NRXN1: variants seen among roughly 807,000 people sequenced by gnomAD.
The protein encoded by NRXN1 is neurexin 1.
Under a neutral mutation model 150.9 loss-of-function variants are expected in NRXN1, and 39 were observed. The ratio of observed to expected loss-of-function variants is 0.26; its 90% CI spans 0.20 to 0.34. The LOEUF is 0.34. Among genes scored for constraint, NRXN1 ranks in the 10% least tolerant of loss-of-function variants. The probability of loss-of-function intolerance (pLI) is 1.00; values close to 1 mark genes in which losing one functional copy is unlikely to be tolerated. For missense variants in NRXN1, 1,815 were observed against 1,949.9 expected (o/e 0.93, Z 1.30); for synonymous variants, 924 against 757.0 (o/e 1.22, Z -3.62).
intron 5 of NRXN1, among the ~76,000 whole-genome samples, chr2:50,805,813 T>G (rs1238163931): frequency 2.0e-5 from 3 of 152,296 alleles, no homozygotes; most frequent in African/African-American, 7.2e-5. Flanking sequence ...TTTGGTGCAT[T>G]ATAATCCCCT....
At chr2:50,785,293 C>T (rs184333840) in intron 5 of NRXN1, among the ~76,000 whole-genome samples, 5 of 149,596 alleles carry the variant, frequency 3.3e-5, no homozygotes, top group African/African-American at 7.4e-5. Context: ...CTGTCGCCCC[C>T]GCTGGAGTGC....
intron 15 of NRXN1, among the ~76,000 whole-genome samples, chr2:50,484,519 T>G (rs1010050430): frequency 6.6e-6 from 1 of 152,190 alleles, no homozygotes; most frequent in Non-Finnish European, 1.5e-5. Flanking sequence ...GAGAGCTGAA[T>G]GAGCCTGCAA....
chr2:50,934,270 T>C (rs946073427), intron 2 of NRXN1, among the ~76,000 whole-genome samples: 3 of 152,150 alleles, frequency 2.0e-5, no homozygotes, highest in African/African-American at 7.2e-5. Context: ...AAAACATTTA[T>C]AATAAATAAT....
intron 18 of NRXN1, among the ~76,000 whole-genome samples, chr2:50,159,624 A>G (rs905987351): frequency 6.6e-6 from 1 of 152,190 alleles, no homozygotes; most frequent in African/African-American, 2.4e-5. Flanking sequence ...TTCTTATAAT[A>G]AGCATTGCCA....
Position 50,010,200 on chromosome 2 carries a change from GA to G in NRXN1, c.4128+43070del, listed in dbSNP as rs575511985. Among the ~76,000 whole-genome samples, 136 of 151,888 alleles carry G rather than the reference GA, an allele frequency of 9.0e-4. 1 individual carries two copies. The highest frequency in any genetic ancestry group is 1.7e-3 in the Non-Finnish European group (117 of 67,924). On this transcript the variant is annotated intron_variant, in intron 21 of 22. Coordinates refer to ENST00000401669, the MANE Select transcript of NRXN1 (RefSeq NM_001330078.2). ...AGGAGAACACCAAATATTATTTCAT[GA>G]AACAGACTCAATAAGAAGTCAAGCA...
At chr2:50,682,276 G>T (rs1298092239) in intron 5 of NRXN1, among the ~76,000 whole-genome samples, 5 of 152,156 alleles carry the variant, frequency 3.3e-5, no homozygotes, top group African/African-American at 9.6e-5. Context: ...TACTTAAAAA[G>T]AATCATATTT....
intron 5 of NRXN1, among the ~76,000 whole-genome samples, chr2:50,808,485 G>T (rs1351950104): frequency 6.6e-6 from 1 of 151,700 alleles, no homozygotes; most frequent in Non-Finnish European, 1.5e-5. Context: ...CAAAAAAAAA[G>T]AGAAACTAAC....
chr2:50,481,394 A>G (rs1303869884), intron 15 of NRXN1, among the ~76,000 whole-genome samples: 1 of 152,358 alleles, frequency 6.6e-6, no homozygotes, highest in African/African-American at 2.4e-5. Flanking sequence ...GGCAAAGTCA[A>G]TTTTCTTCCA....
chr2:50,076,184 C>A (rs962333507), intron 19 of NRXN1, among the ~76,000 whole-genome samples: 15 of 152,144 alleles, frequency 9.9e-5, no homozygotes, highest in African/African-American at 3.4e-4. Flanking sequence ...AGCGGTACTG[C>A]ACTTAATGTC....
chr2:50,517,125 A>G (rs987436533), intron 12 of NRXN1, among the ~76,000 whole-genome samples: 1 of 152,162 alleles, frequency 6.6e-6, no homozygotes, highest in Non-Finnish European at 1.5e-5. Context: ...AGCTAATACT[A>G]GAAACAATGT....
intron 5 of NRXN1, among the ~76,000 whole-genome samples, chr2:50,868,425 G>A (rs556982632): frequency 6.6e-6 from 1 of 150,914 alleles, no homozygotes; most frequent in South Asian, 2.1e-4. Context: ...GGGAGGGGGT[G>A]AACAATGAGA....
At chr2:50,966,816 G>C (rs1305711147) in intron 2 of NRXN1, among the ~76,000 whole-genome samples, 1 of 151,812 alleles carries the variant, frequency 6.6e-6, no homozygotes, top group Non-Finnish European at 1.5e-5. Context: ...TGCTATAACA[G>C]CTATCTGCAT....
At chr2:50,961,428 T>C (rs10490165) in intron 2 of NRXN1, among the ~76,000 whole-genome samples, 123,733 of 151,600 alleles carry the variant, frequency 0.82, 50,866 homozygotes, top group East Asian at 0.99. Flanking sequence ...CCATCATTTG[T>C]TTTAAATAAT....
At chr2:50,765,987 A>G (rs1702337937) in intron 5 of NRXN1, among the ~76,000 whole-genome samples, 1 of 152,044 alleles carries the variant, frequency 6.6e-6, no homozygotes, top group Non-Finnish European at 1.5e-5. Flanking sequence ...GCAAATTTTG[A>G]AAGTCCTGGC....
At chr2:50,270,077 T>C (rs1333939079) in intron 17 of NRXN1, among the ~76,000 whole-genome samples, 2 of 152,262 alleles carry the variant, frequency 1.3e-5, no homozygotes, top group African/African-American at 2.4e-5. Flanking sequence ...ACTTCCCCCA[T>C]TATGTGTTGA....
chr2:50,934,042 C>T lies in NRXN1; in HGVS notation c.773-8087G>A, dbSNP rs543023519. 7.2e-5 allele frequency among the ~76,000 whole-genome samples: 11 copies of T among 152,186 alleles called. 1 individual carries two copies. The highest frequency in any genetic ancestry group is 5.2e-4 in the Admixed American group (8 of 15,270). On this transcript the variant is annotated intron_variant, in intron 2 of 22. Coordinates refer to ENST00000401669, the MANE Select transcript of NRXN1 (RefSeq NM_001330078.2). ...TTAAAAATAATCTCATCAAGCCACA[C>T]CTCATTATATGTTGCTTTAAAATGT...
chr2:50,355,657 T>A (rs1048840382), intron 17 of NRXN1, among the ~76,000 whole-genome samples: 2 of 152,206 alleles, frequency 1.3e-5, no homozygotes, highest in African/African-American at 4.8e-5. Context: ...AATTGTTCTA[T>A]CAAATGTTAA....
chr2:51,007,320 G>C (rs1667177741), intron 2 of NRXN1, among the ~76,000 whole-genome samples: 1 of 151,794 alleles, frequency 6.6e-6, no homozygotes, highest in African/African-American at 2.4e-5. Context: ...ATACTTATTT[G>C]GAAGTCCTGA....
chr2:50,060,054 C>A (rs1694278304), intron 19 of NRXN1, among the ~76,000 whole-genome samples: 1 of 152,076 alleles, frequency 6.6e-6, no homozygotes, highest in African/African-American at 2.4e-5. Flanking sequence ...CTCCAGACAC[C>A]AGAATGGTAG....
Sources: allele counts gnomAD v4.1 joint callset (sites outside exome capture counted in the v4.1 genomes callset), GRCh38; gene constraint gnomAD v4.1.1; transcripts MANE v1.5; gene names NCBI Gene and HGNC (gene_info 2026-07-23, HGNC 2026-07-21).